PHAX: variants seen among roughly 807,000 people sequenced by gnomAD.
The protein encoded by PHAX is phosphorylated adaptor for RNA export.
In PHAX, 31 loss-of-function variants were observed where a neutral mutation model predicts 41.6. That is an observed-to-expected ratio of 0.75 (90% CI 0.56 to 1.01). The LOEUF is 1.01. Among genes scored for constraint, PHAX ranks in the 50% least tolerant of loss-of-function variants. The pLI, the probability that PHAX is intolerant of heterozygous loss-of-function variation, is 0.00. For synonymous variants in PHAX, 175 were observed against 164.9 expected (o/e 1.06, Z -0.47); for missense variants, 453 against 472.9 (o/e 0.96, Z 0.39).
chr5:126,609,997 A>G lies in PHAX; in HGVS notation c.831+1513A>G, dbSNP rs548867335. Among the ~76,000 whole-genome samples, 64 of 152,314 alleles carry G rather than the reference A, an allele frequency of 4.2e-4. 1 individual carries two copies. The South Asian group carries it at 0.013, about 32-fold the overall frequency. On this transcript the variant is annotated intron_variant, in intron 3 of 4. Transcript: ENST00000297540. ...GGCAATCCGCCTGCCTCGGCCTCCC[A>G]AAGTGCTGGGATTACAGGCTTGAGC...
chr5:126,609,095 A>ATTT lies in PHAX; in HGVS notation c.831+632_831+634dup, dbSNP rs761125079. Among the ~76,000 whole-genome samples the ATTT allele has an allele frequency of 1.2e-3, 122 of 101,226 alleles. 7 individuals are homozygous for ATTT. The highest frequency in any genetic ancestry group is 7.1e-3 in the Middle Eastern group (1 of 140). The allele number at this position is 101,226 out of a possible 152,430, so 66.4% of individuals were successfully genotyped here. On this transcript the variant is annotated intron_variant, in intron 3 of 4. Coordinates refer to ENST00000297540, the MANE Select transcript of PHAX (RefSeq NM_032177.4). ...ATGATTTGTTAAAGGTAGGGGTTGA[A>ATTT]TTTTTTTTTTTTTTTTTTTTTTTGA...
At chr5:126,617,417 T>C in intron 4 of PHAX, 84 bp downstream of exon 4, 1 of 708,542 alleles carries the variant, frequency 1.4e-6, no homozygotes, top group Non-Finnish European at 2.4e-6. Context: ...TGGATATGCA[T>C]TACCTGTTCT....
Position 126,603,701 on chromosome 5 carries a change from T to A in PHAX, c.228T>A (p.Asp76Glu), listed in dbSNP as rs199766011. 3.9e-4 allele frequency: 630 copies of A among 1,614,200 alleles called. 10 individuals are homozygous for A. In the South Asian group the frequency reaches 6.0e-3, roughly 15 times the overall value. Residue 76 changes from aspartate to glutamate, a missense_variant, in exon 2 of 5, where the codon GAT becomes GAA. Transcript: ENST00000297540. The stretch of plus-strand genomic sequence containing the variant: ...AAAGTTTTTCTGATTCAGATGATGA[T>A]AGCTGTCTTTGGAAACGCAAACGAC... ...SEESFSDSDD[D>E]SCLWKRKRQK...
intron 2 of PHAX, among the ~76,000 whole-genome samples, chr5:126,605,208 A>G (rs1169215588): frequency 6.6e-6 from 1 of 151,186 alleles, no homozygotes; most frequent in African/African-American, 2.4e-5. Flanking sequence ...CTGGTCACTC[A>G]GCTGGAGTGC....
In PHAX at chr5:126,618,655, C is replaced by CT. The variant is rs976194090; in HGVS notation, c.915+1329dup. Reference sequence around the variant, plus strand: ...TTTTTTTAATTTTTGGAAACAAAGTCTTTTTTTAAAAACTGTTTTTTTTTT... The same window carrying CT: ...TTTTTTTAATTTTTGGAAACAAAGTCTTTTTTTTAAAAACTGTTTTTTTTTT... On this transcript the variant is annotated intron_variant, in intron 4 of 4. Coordinates refer to ENST00000297540, the MANE Select transcript of PHAX (RefSeq NM_032177.4). Among the ~76,000 whole-genome samples, 169 of 143,500 alleles carry CT rather than the reference C, an allele frequency of 1.2e-3. 2 individuals are homozygous for CT. The highest frequency in any genetic ancestry group is 4.2e-3 in the African/African-American group (159 of 37,986). 94.1% of individuals were successfully genotyped at this position (143,500 alleles called of 152,430 possible). A position where few individuals can be genotyped will look rare whatever the true frequency, so the allele number is the denominator to read the frequency against.
At chr5:126,618,668 CTG>C (rs1220417345) in intron 4 of PHAX, among the ~76,000 whole-genome samples, 1 of 128,960 alleles carries the variant, frequency 7.8e-6, no homozygotes, top group Non-Finnish European at 1.6e-5. Context: ...TTTTTAAAAA[CTG>C]TTTTTTTTTT....
At chr5:126,602,834 C>G (rs1226383943) in intron 1 of PHAX, among the ~76,000 whole-genome samples, 2 of 152,026 alleles carry the variant, frequency 1.3e-5, no homozygotes, top group South Asian at 2.1e-4. Flanking sequence ...GAAACCCCCT[C>G]TCTACTAAAA....
chr5:126,604,274 CTT>C (rs57270218), intron 2 of PHAX, 91 bp downstream of exon 2: 38,336 of 627,272 alleles, frequency 0.061, no homozygotes, highest in South Asian at 0.069. Context: ...TGATATGTTC[CTT>C]TTTTTTTTTT....
chr5:126,616,602 G>T lies in PHAX; in HGVS notation c.832-648G>T, dbSNP rs186531838. On this transcript the variant is annotated intron_variant, in intron 3 of 4. Transcript: ENST00000297540. ...TAACATCTAATAGAATATTCATGGT[G>T]GGTGCGGTGGCTCACACCTGTAATC... is the stretch of plus-strand genomic sequence containing the variant. Among the ~76,000 whole-genome samples the T allele has an allele frequency of 7.2e-5, 11 of 152,110 alleles. No individual in the cohort carries two copies. In the East Asian group the frequency reaches 2.1e-3, roughly 29 times the overall value.
At chr5:126,614,910 C>G (rs1752160811) in intron 3 of PHAX, among the ~76,000 whole-genome samples, 1 of 152,038 alleles carries the variant, frequency 6.6e-6, no homozygotes, top group African/African-American at 2.4e-5. Flanking sequence ...GCACACACCA[C>G]CACGCCCAGC....
intron 1 of PHAX, among the ~76,000 whole-genome samples, chr5:126,602,068 C>T (rs1274620903): frequency 6.6e-6 from 1 of 152,190 alleles, no homozygotes; most frequent in Non-Finnish European, 1.5e-5. Flanking sequence ...GCCTCGGCCT[C>T]CCAAAGTGTT....
In PHAX at chr5:126,603,768, T is replaced by C. The variant is rs1280243314; in HGVS notation, c.295T>C (p.Phe99Leu). 1 of 1,614,096 alleles carries C rather than the reference T, an allele frequency of 6.2e-7. No homozygotes were observed. Among genetic ancestry groups the C allele is most frequent in the South Asian group, 1.1e-5 (1 of 91,082 alleles). The change falls in exon 2 of 5, where the codon TTT becomes CTT. Residue 99 changes from phenylalanine (F) to leucine (L), a missense_variant. Phe to Leu is a conservative substitution (Grantham distance 22). Transcript: ENST00000297540. ...NPPPKPEPFQ[F>L]GQSSQKPPVA... ...TCCTCCCAAACCAGAGCCTTTTCAG[T>C]TTGGCCAGAGCAGTCAGAAACCACC...
Position 126,603,805 on chromosome 5 carries a change from G to T in PHAX, c.332G>T (p.Gly111Val). The T allele has an allele frequency of 6.2e-7, 1 of 1,614,150 alleles. No homozygotes were observed. The highest frequency in any genetic ancestry group is 8.5e-7 in the Non-Finnish European group (1 of 1,180,032). ...QSSQKPPVAG[G>V]KKINNIWGAV... ...AGTCAGAAACCACCTGTTGCTGGAG[G>T]AAAGAAGATTAACAACATATGGGGT... is the stretch of plus-strand genomic sequence containing the variant. The change falls in exon 2 of 5, where the codon GGA (glycine) becomes GTA (valine). Residue 111 changes from glycine (G) to valine (V), a missense_variant. Gly to Val is a moderately radical substitution (Grantham distance 109). Coordinates refer to ENST00000297540, the MANE Select transcript of PHAX (RefSeq NM_032177.4).
chr5:126,606,508 T>A (rs1011753897), intron 2 of PHAX, among the ~76,000 whole-genome samples: 1 of 152,156 alleles, frequency 6.6e-6, no homozygotes, highest in African/African-American at 2.4e-5. Flanking sequence ...GATTGATCCA[T>A]GGTGTAGCAG....
chr5:126,619,535 C>T (rs1752237862), intron 4 of PHAX, among the ~76,000 whole-genome samples: 1 of 151,308 alleles, frequency 6.6e-6, no homozygotes, highest in African/African-American at 2.4e-5. Flanking sequence ...GAGATCACAC[C>T]ACTGTACTCC....
chr5:126,608,505 TTGTTTTTGTATTGTTTATCCTG>T (rs1752023846), intron 3 of PHAX, 21 bp downstream of exon 3: 2 of 1,592,472 alleles, frequency 1.3e-6, no homozygotes, highest in African/African-American at 2.8e-5. Flanking sequence ...TTAACTGTTT[TTGTTTTTGTATTGTTTATCCTG>T]TGTTTTTGTT....
At position 126,604,017 on chromosome 5, in the gene PHAX, G is replaced by A; in HGVS notation, c.544G>A (p.Gly182Ser). The A allele has an allele frequency of 1.2e-6, 2 of 1,613,460 alleles. No homozygotes were observed. The highest frequency in any genetic ancestry group is 1.7e-6 in the Non-Finnish European group (2 of 1,179,858). The change falls in exon 2 of 5, where the codon GGC (glycine) becomes AGC (serine). Residue 182 changes from glycine (G) to serine (S), a missense_variant. Transcript: ENST00000297540. ...GGAACTAGATGAATATATGCATGGT[G>A]GCAAAAAAATGGGATCAAAGGAAGA... ...DKELDEYMHG[G>S]KKMGSKEEEN...
chr5:126,609,378 G>A (rs1752043328), intron 3 of PHAX, among the ~76,000 whole-genome samples: 1 of 152,038 alleles, frequency 6.6e-6, no homozygotes, highest in South Asian at 2.1e-4. Flanking sequence ...TGGGATTACA[G>A]GCGTGAGCCA....
chr5:126,618,684 T>C (rs1021990873), intron 4 of PHAX, among the ~76,000 whole-genome samples: 13 of 151,430 alleles, frequency 8.6e-5, no homozygotes, highest in African/African-American at 2.7e-4. Context: ...TTTTTTTTTT[T>C]GAGATGGAGT....
Sources: gnomAD v4.1 joint callset for allele counts (sites outside exome capture counted in the v4.1 genomes callset) on GRCh38, gnomAD v4.1.1 for gene constraint, MANE v1.5 for transcripts, NCBI Gene and HGNC (gene_info 2026-07-23, HGNC 2026-07-21) for gene names.